Variants in TPCN1 observed in about 807,000 individuals in gnomAD.
The protein encoded by TPCN1 is two pore segment channel 1.
Under a neutral mutation model 108.8 loss-of-function variants are expected in TPCN1, and 52 were observed. The observed-to-expected ratio is 0.48, with a 90% confidence interval of 0.38 to 0.60. TPCN1 has a LOEUF of 0.60. TPCN1 is among the 20% of genes least tolerant of loss of function. The pLI is 0.00. For synonymous variants in TPCN1, 446 were observed against 433.7 expected (o/e 1.03, Z -0.35); for missense variants, 806 against 1,072.8 (o/e 0.75, Z 3.47).
chr12:113,225,008 C>T lies in TPCN1; in HGVS notation c.-125-1720C>T, dbSNP rs933214425. ...TCAAGTGATCCACCCGTCTCTGCCT[C>T]CCAAAGTGCTGGGATTACAGTTGTA... On this transcript the variant is annotated intron_variant, in intron 1 of 27. Transcript: ENST00000335509. Among the ~76,000 whole-genome samples the T allele has an allele frequency of 3.3e-5, 5 of 152,290 alleles. No homozygotes were observed. In the South Asian group the frequency reaches 6.2e-4, roughly 19 times the overall value.
intron 2 of TPCN1, chr12:113,245,859 G>T (rs1593107578): frequency 7.0e-6 from 3 of 429,528 alleles, no homozygotes; most frequent in African/African-American, 6.0e-5. Context: ...CCTCCCCAGT[G>T]CATCTTTATA....
rs117462249 is a variant in TPCN1, at chr12:113,293,507, G to A, written c.2334+158G>A. On this transcript the variant is annotated intron_variant, in intron 27 of 27. Coordinates refer to ENST00000335509, the MANE Select transcript of TPCN1 (RefSeq NM_017901.6). ...TGCTGGGGTTGTGTGGGACCTGAGCGGGGCTCACTTAGCCTTGAACCCTTG... is the reference window on the plus strand; with the variant it reads ...TGCTGGGGTTGTGTGGGACCTGAGCAGGGCTCACTTAGCCTTGAACCCTTG... 9.9e-3 allele frequency among the ~76,000 whole-genome samples: 1,513 copies of A among 152,322 alleles called. 15 individuals carry two copies. The highest frequency in any genetic ancestry group is 0.015 in the Non-Finnish European group (1,047 of 68,020).
intron 2 of TPCN1, among the ~76,000 whole-genome samples, chr12:113,239,865 T>A (rs116018355): frequency 0.016 from 2,368 of 152,298 alleles, 46 homozygotes; most frequent in African/African-American, 0.053. Context: ...TTTTATTATT[T>A]TTTTTTCCTA....
intron 19 of TPCN1, among the ~76,000 whole-genome samples, chr12:113,287,564 A>G (rs1250474514): frequency 1.3e-5 from 2 of 152,156 alleles, no homozygotes; most frequent in African/African-American, 2.4e-5. Flanking sequence ...TCTCTTCCTA[A>G]TGAGGGGTCC....
rs184998928 is a variant in TPCN1, at chr12:113,285,834, G to A, written c.1454-55G>A. On this transcript the variant is annotated intron_variant, in intron 17 of 27. Transcript: ENST00000335509. The stretch of plus-strand genomic sequence containing the variant: ...GTGGAGGAGCCTCAAAGAGGAGACC[G>A]AGCATGGGGGAGGATGTGGCGGGGC... 353 of 1,490,532 alleles carry A rather than the reference G, an allele frequency of 2.4e-4. 1 individual carries two copies. Among genetic ancestry groups the A allele is most frequent in the Middle Eastern group, 5.2e-4 (3 of 5,806 alleles). 92.3% of individuals were successfully genotyped at this position (1,490,532 alleles called of 1,614,324 possible).
intron 2 of TPCN1, chr12:113,245,824 C>G: frequency 2.6e-6 from 1 of 389,868 alleles, no homozygotes; most frequent in Middle Eastern, 4.3e-4. Flanking sequence ...TGGAAGCCTT[C>G]CCCTCCTGCC....
chr12:113,259,039 C>T (rs145595435), intron 2 of TPCN1, among the ~76,000 whole-genome samples: 1 of 149,882 alleles, frequency 6.7e-6, no homozygotes, highest in African/African-American at 2.5e-5. Context: ...AGTAGTGATG[C>T]GATTTTGGCT....
chr12:113,258,186 G>A (rs1954893169), intron 2 of TPCN1, among the ~76,000 whole-genome samples: 1 of 152,164 alleles, frequency 6.6e-6, no homozygotes, highest in South Asian at 2.1e-4. Flanking sequence ...GGTAGGGTTG[G>A]CCAGGCACGA....
intron 25 of TPCN1, chr12:113,292,209 G>C: frequency 6.2e-6 from 3 of 484,712 alleles, no homozygotes; most frequent in South Asian, 5.0e-5. Context: ...TCAAGAAGTA[G>C]AGAAAGGCTT....
intron 18 of TPCN1, among the ~76,000 whole-genome samples, 164 bp downstream of exon 18, chr12:113,286,125 G>A (rs558857966): frequency 2.6e-5 from 4 of 152,330 alleles, no homozygotes; most frequent in African/African-American, 9.6e-5. Context: ...CCACAGCCCA[G>A]GAACTCCCCA....
At position 113,293,011 on chromosome 12, in the gene TPCN1, C is replaced by T. The variant is rs144613390; in HGVS notation, c.2191C>T (p.Arg731Trp). 9,991 of 1,613,198 alleles carry T rather than the reference C, an allele frequency of 6.2e-3. 96 individuals are homozygous for T. The highest frequency in any genetic ancestry group is 5.8e-3 in the Middle Eastern group (35 of 6,020). The change falls in exon 26 of 28, where the codon CGG (arginine) becomes TGG (tryptophan). Residue 731 changes from arginine (R) to tryptophan (W), a missense_variant. Physicochemically the swap from Arg to Trp is moderately radical, Grantham distance 101 (BLOSUM62 -3). Coordinates refer to ENST00000335509, the MANE Select transcript of TPCN1 (RefSeq NM_017901.6). The part of the protein sequence containing the change: ...VAVLELYREA[R>W]GASSDVTRLL... ...CGTCCTGGAGCTCTACCGGGAGGCA[C>T]GGGGGGCCTCCTCGGATGTCACCAG...
chr12:113,222,628 TAAAC>T (rs1004948488), intron 1 of TPCN1, among the ~76,000 whole-genome samples: 4 of 152,204 alleles, frequency 2.6e-5, no homozygotes, highest in Admixed American at 6.5e-5. Context: ...ATTAAACAGT[TAAAC>T]AACCGTGTTG....
chr12:113,292,858 C>G, intron 25 of TPCN1, 76 bp from the exon 26 acceptor site: 1 of 1,532,190 alleles, frequency 6.5e-7, no homozygotes, highest in Non-Finnish European at 8.8e-7. Context: ...CGGAAGGGGG[C>G]AAGGAGGTAC....
intron 3 of TPCN1, among the ~76,000 whole-genome samples, chr12:113,261,626 G>A (rs544668568): frequency 5.3e-5 from 8 of 151,796 alleles, no homozygotes; most frequent in South Asian, 2.1e-4. Context: ...ATGGGGTTTC[G>A]CCATGTTGGC....
chr12:113,293,451 TAGAG>T (rs1299465311), intron 27 of TPCN1, 102 bp downstream of exon 27: 2 of 1,120,502 alleles, frequency 1.8e-6, no homozygotes, highest in Non-Finnish European at 1.4e-6. Flanking sequence ...AGAAGGCTGG[TAGAG>T]AGATGCAGAC....
At chr12:113,275,817 C>T (rs1222781914) in intron 10 of TPCN1, among the ~76,000 whole-genome samples, 1 of 152,084 alleles carries the variant, frequency 6.6e-6, no homozygotes, top group African/African-American at 2.4e-5. Flanking sequence ...ACCTTGTGAT[C>T]CACCCGCCTC....
chr12:113,288,554 C>A lies in TPCN1; in HGVS notation c.1707-204C>A. 1 of 1,471,672 alleles carries A rather than the reference C, an allele frequency of 6.8e-7. No individual in the cohort carries two copies. The highest frequency in any genetic ancestry group is 1.4e-5 in the South Asian group (1 of 74,020). 91.2% of individuals were successfully genotyped at this position (1,471,672 alleles called of 1,614,324 possible). On this transcript the variant is annotated intron_variant, in intron 20 of 27. Coordinates refer to ENST00000335509, the MANE Select transcript of TPCN1 (RefSeq NM_017901.6). The surrounding 1 kb of genome is among the most constrained non-coding windows in gnomAD (Gnocchi z 4.8). ...AAGGGGTGAATCTCTGGGAAAGGGG[C>A]ATTTGTTCATAGCGTCCTGACTTGA...
intron 2 of TPCN1, among the ~76,000 whole-genome samples, chr12:113,240,365 G>A (rs974839743): frequency 2.6e-5 from 4 of 152,198 alleles, no homozygotes; most frequent in Non-Finnish European, 1.5e-5. Flanking sequence ...TACAACGGTT[G>A]AACATTTTCT....
Position 113,272,777 on chromosome 12 carries a change from T to C in TPCN1, c.783+85T>C. On this transcript the variant is annotated intron_variant, in intron 8 of 27. Coordinates refer to ENST00000335509, the MANE Select transcript of TPCN1 (RefSeq NM_017901.6). The surrounding 1 kb of genome is among the most constrained non-coding windows in gnomAD (Gnocchi z 4.1). Reference sequence around the variant, plus strand: ...GGTCACCGGCGTGACCCTGTGGCCATATGGGGAAGGGGGGGCCTGCCTGGT... The same window carrying C: ...GGTCACCGGCGTGACCCTGTGGCCACATGGGGAAGGGGGGGCCTGCCTGGT... 7.4e-7 allele frequency: 1 copy of C among 1,359,052 alleles called. No homozygotes were observed. The highest frequency in any genetic ancestry group is 1.1e-6 in the Non-Finnish European group (1 of 948,950). The allele number at this position is 1,359,052 out of a possible 1,614,324, so 84.2% of individuals were successfully genotyped here.
Sources: allele counts gnomAD v4.1 joint callset (sites outside exome capture counted in the v4.1 genomes callset), GRCh38; gene constraint gnomAD v4.1.1; non-coding constraint Gnocchi (gnomAD v3.1); transcripts MANE v1.5; gene names NCBI Gene and HGNC (gene_info 2026-07-23, HGNC 2026-07-21).